VWA8: variants seen among roughly 807,000 people sequenced by gnomAD.
VWA8 encodes the protein von Willebrand factor A domain containing 8, also known as von Willebrand factor A domain-containing protein 8.
Under a neutral mutation model 241.5 loss-of-function variants are expected in VWA8, and 221 were observed. That is an observed-to-expected ratio of 0.91 (90% CI 0.82 to 1.02). VWA8 has a LOEUF of 1.02. Ranked by LOEUF, VWA8 falls within the 50% of genes least tolerant of loss-of-function variation. The pLI, the probability that VWA8 is intolerant of heterozygous loss-of-function variation, is 0.00. For synonymous variants in VWA8, 852 were observed against 827.1 expected, an observed-to-expected ratio of 1.03 and a Z score of -0.52; for missense variants, 2,322 against 2,328.7, an observed-to-expected ratio of 1.00 and a Z score of 0.06.
intron 8 of VWA8, among the ~76,000 whole-genome samples, chr13:41,884,276 C>T (rs1874404046): frequency 6.6e-6 from 1 of 152,168 alleles, no homozygotes; most frequent in Non-Finnish European, 1.5e-5. Context: ...AGTTAACCTC[C>T]ATGCTGTTCT....
chr13:41,818,441 G>T lies in VWA8; in HGVS notation c.1869+777C>A, dbSNP rs201196567. Among the ~76,000 whole-genome samples the T allele has an allele frequency of 2.4e-4, 36 of 151,718 alleles. No individual in the cohort carries two copies. In the East Asian group the frequency reaches 6.7e-3, roughly 28 times the overall value. ...AGAAAAATTAGCCAGGTGTGGTGGT[G>T]CGCACCTGTAGTCTCAGCTACTTGA... is the stretch of plus-strand genomic sequence containing the variant. On this transcript the variant is annotated intron_variant, in intron 15 of 44. Coordinates refer to ENST00000379310, the MANE Select transcript of VWA8 (RefSeq NM_015058.2).
At chr13:41,717,427 G>A (rs1013117938) in intron 26 of VWA8, among the ~76,000 whole-genome samples, 3 of 151,826 alleles carry the variant, frequency 2.0e-5, no homozygotes, top group Admixed American at 2.0e-4. Context: ...GACCAAAATG[G>A]AATGGTGAGC....
At chr13:41,697,780 G>T (rs1395741472) in intron 29 of VWA8, among the ~76,000 whole-genome samples, 3 of 152,216 alleles carry the variant, frequency 2.0e-5, no homozygotes, top group South Asian at 2.1e-4. Flanking sequence ...ATACTGGTCT[G>T]CGGCCTGGGA....
chr13:41,887,678 T>G (rs891143282), intron 5 of VWA8, among the ~76,000 whole-genome samples: 2 of 152,168 alleles, frequency 1.3e-5, no homozygotes, highest in Non-Finnish European at 2.9e-5. Flanking sequence ...AATACATGAC[T>G]AGAGGTTGTA....
intron 13 of VWA8, among the ~76,000 whole-genome samples, chr13:41,831,920 C>T (rs1213994477): frequency 1.3e-5 from 2 of 149,642 alleles, no homozygotes; most frequent in East Asian, 2.0e-4. Context: ...GCACCTGGCC[C>T]GCATCAGCAT....
intron 21 of VWA8, among the ~76,000 whole-genome samples, chr13:41,754,217 T>C (rs1255477196): frequency 6.6e-6 from 1 of 152,086 alleles, no homozygotes; most frequent in African/African-American, 2.4e-5. Context: ...CAGTGGGAGC[T>C]AATTGAATCA....
intron 20 of VWA8, among the ~76,000 whole-genome samples, chr13:41,761,938 G>T (rs895090220): frequency 1.3e-5 from 2 of 151,942 alleles, no homozygotes; most frequent in Non-Finnish European, 2.9e-5. Context: ...TTAACAAGCA[G>T]GTTGTGTGGA....
Position 41,623,865 on chromosome 13 carries a change from T to C in VWA8, c.4612-8781A>G, listed in dbSNP as rs145919823. Reference sequence around the variant, plus strand: ...AAAACAAAATATTGTCTGAGGTTATTGTACCCATAGGTTAGAAATTTCTTT... The same window carrying C: ...AAAACAAAATATTGTCTGAGGTTATCGTACCCATAGGTTAGAAATTTCTTT... On this transcript the variant is annotated intron_variant, in intron 37 of 44. Coordinates refer to ENST00000379310, the MANE Select transcript of VWA8 (RefSeq NM_015058.2). 4.7e-3 allele frequency among the ~76,000 whole-genome samples: 714 copies of C among 152,230 alleles called. 7 individuals are homozygous for C. The highest frequency in any genetic ancestry group is 0.01 in the Middle Eastern group (3 of 294).
At chr13:41,686,249 C>T (rs552718044) in intron 34 of VWA8, among the ~76,000 whole-genome samples, 1 of 152,230 alleles carries the variant, frequency 6.6e-6, no homozygotes, top group African/African-American at 2.4e-5. Flanking sequence ...GTACTTCTGT[C>T]TGGTCCTTCT....
At chr13:41,741,929 G>T (rs2045572203) in intron 21 of VWA8, among the ~76,000 whole-genome samples, 1 of 152,214 alleles carries the variant, frequency 6.6e-6, no homozygotes, top group African/African-American at 2.4e-5. Context: ...AATCCTGATG[G>T]AAAAGAACAG....
At chr13:41,950,171 A>G (rs1034642716) in intron 1 of VWA8, among the ~76,000 whole-genome samples, 158 bp from the exon 2 acceptor site, 2 of 152,182 alleles carry the variant, frequency 1.3e-5, no homozygotes, top group African/African-American at 4.8e-5. Context: ...ACTTCTATCC[A>G]AAGTATATAT....
chr13:41,832,936 TTC>T (rs1390158901), intron 13 of VWA8, among the ~76,000 whole-genome samples: 1 of 149,690 alleles, frequency 6.7e-6, no homozygotes, highest in Non-Finnish European at 1.5e-5. Context: ...AAAACTACTT[TTC>T]TCTCTCTCAA....
chr13:41,637,774 G>A (rs1326624002), intron 37 of VWA8, among the ~76,000 whole-genome samples: 1 of 152,068 alleles, frequency 6.6e-6, no homozygotes, highest in Non-Finnish European at 1.5e-5. Flanking sequence ...CCACAATCAT[G>A]CCATGTTGTA....
At chr13:41,738,291 C>T (rs2045541294) in intron 21 of VWA8, among the ~76,000 whole-genome samples, 2 of 151,898 alleles carry the variant, frequency 1.3e-5, no homozygotes, top group African/African-American at 4.8e-5. Flanking sequence ...AAAATCCTAA[C>T]TATAAAAGGA....
intron 37 of VWA8, among the ~76,000 whole-genome samples, chr13:41,665,135 A>C (rs1262796862): frequency 6.6e-6 from 1 of 152,162 alleles, no homozygotes; most frequent in Non-Finnish European, 1.5e-5. Context: ...ATAAGTTAAT[A>C]TTAGGTATTT....
chr13:41,711,829 A>C (rs955850545), intron 26 of VWA8, among the ~76,000 whole-genome samples: 4 of 152,102 alleles, frequency 2.6e-5, no homozygotes, highest in Admixed American at 6.5e-5. Context: ...AGCCGAGATC[A>C]TGCCACTGCA....
chr13:41,639,859 TG>T (rs570240245), intron 37 of VWA8, among the ~76,000 whole-genome samples: 37 of 152,012 alleles, frequency 2.4e-4, no homozygotes, highest in African/African-American at 8.9e-4. Context: ...GAAAATAATA[TG>T]TACACCAAAC....
chr13:41,667,454 C>T (rs541099266), intron 37 of VWA8, among the ~76,000 whole-genome samples: 1 of 152,308 alleles, frequency 6.6e-6, no homozygotes, highest in Admixed American at 6.5e-5. Flanking sequence ...GTTCCAGTCT[C>T]ACACTGTATT....
chr13:41,912,015 A>G, intron 3 of VWA8, 23 bp downstream of exon 3: 2 of 1,533,558 alleles, frequency 1.3e-6, no homozygotes, highest in South Asian at 1.4e-5. Flanking sequence ...ACCCTTAGAA[A>G]TTGACAAGAA....
Sources: gnomAD v4.1 joint callset for allele counts (sites outside exome capture counted in the v4.1 genomes callset) on GRCh38, gnomAD v4.1.1 for gene constraint, MANE v1.5 for transcripts, NCBI Gene and HGNC (gene_info 2026-07-23, HGNC 2026-07-21) for gene names.